Variants in EXTL3 observed in about 807,000 individuals in gnomAD.
The protein encoded by EXTL3 is exostosin like glycosyltransferase 3.
Under a neutral mutation model 69.3 loss-of-function variants are expected in EXTL3, and 27 were observed. The observed-to-expected ratio is 0.39, with a 90% CI of 0.29 to 0.54. The LOEUF (loss-of-function observed/expected upper bound fraction) is 0.54. EXTL3 is among the 20% of genes least tolerant of loss of function. The pLI is 0.69. For missense variants in EXTL3, 1,003 were observed against 1,231.8 expected (o/e 0.81, Z 2.78); for synonymous variants, 511 against 499.4 (o/e 1.02, Z -0.31).
intron 6 of EXTL3, among the ~76,000 whole-genome samples, chr8:28,747,403 C>T (rs1204682751): frequency 6.6e-6 from 1 of 152,196 alleles, no homozygotes; most frequent in Non-Finnish European, 1.5e-5. Context: ...ACCCTTTGAG[C>T]ACTGGCCTGT....
chr8:28,663,360 C>T (rs1239109586), intron 1 of EXTL3, among the ~76,000 whole-genome samples: 2 of 152,206 alleles, frequency 1.3e-5, no homozygotes, highest in African/African-American at 4.8e-5. Context: ...AGATCAGTTG[C>T]AGAAAAGCGG....
intron 6 of EXTL3, among the ~76,000 whole-genome samples, chr8:28,745,986 A>G (rs1410143846): frequency 1.3e-5 from 2 of 152,248 alleles, no homozygotes; most frequent in Non-Finnish European, 2.9e-5. Flanking sequence ...TCTAACTCTT[A>G]GTAATTCCTT....
intron 1 of EXTL3, among the ~76,000 whole-genome samples, chr8:28,655,532 A>G (rs1806996052): frequency 7.2e-6 from 1 of 138,398 alleles, no homozygotes; most frequent in Admixed American, 8.0e-5. Flanking sequence ...CACCTGTTGC[A>G]CAGGCTGGAG....
At chr8:28,673,657 C>T (rs1807335169) in intron 1 of EXTL3, among the ~76,000 whole-genome samples, 1 of 152,172 alleles carries the variant, frequency 6.6e-6, no homozygotes, top group African/African-American at 2.4e-5. Context: ...CAATCCCTCT[C>T]TCTTTTTCAT....
At chr8:28,724,273 T>C (rs1478810593) in intron 3 of EXTL3, among the ~76,000 whole-genome samples, 2 of 152,214 alleles carry the variant, frequency 1.3e-5, no homozygotes, top group African/African-American at 4.8e-5. Context: ...ACTGGGATCA[T>C]TGGCAACTTT....
intron 1 of EXTL3, among the ~76,000 whole-genome samples, chr8:28,628,756 C>G (rs144797537): frequency 0.022 from 3,290 of 152,244 alleles, 55 homozygotes; most frequent in Non-Finnish European, 0.035. Flanking sequence ...CAGATTCAAG[C>G]AATTCTCCTG....
chr8:28,749,688 CATGT>C (rs1367404442), intron 6 of EXTL3, among the ~76,000 whole-genome samples: 34 of 152,138 alleles, frequency 2.2e-4, no homozygotes, highest in African/African-American at 8.0e-4. Context: ...TTCATGCATG[CATGT>C]ATGTATGTGA....
In EXTL3 at chr8:28,716,740, T is replaced by C; in HGVS notation, c.681T>C (p.Tyr227=). Reference sequence around the variant, plus strand: ...AGGCGACAGCACGAGCTAACGTTTATGTTACAGAAAATGCAGACATCGCCT... The same window carrying C: ...AGGCGACAGCACGAGCTAACGTTTACGTTACAGAAAATGCAGACATCGCCT... The part of the protein sequence containing the change: ...AFQATARANV[Y]VTENADIACL... Residue 227 remains tyrosine, a synonymous_variant, in exon 3 of 7, where the codon TAT becomes TAC. Coordinates refer to ENST00000220562, the MANE Select transcript of EXTL3 (RefSeq NM_001440.4). This position sits in a 1 kb window ranked among gnomAD's most constrained non-coding sequence, Gnocchi z 7.1. The C allele has an allele frequency of 3.1e-6, 5 of 1,614,246 alleles. No homozygotes were observed. The highest frequency in any genetic ancestry group is 3.4e-6 in the Non-Finnish European group (4 of 1,180,044).
At chr8:28,687,521 A>G (rs1807596790) in intron 1 of EXTL3, among the ~76,000 whole-genome samples, 1 of 152,174 alleles carries the variant, frequency 6.6e-6, no homozygotes, top group African/African-American at 2.4e-5. Flanking sequence ...GGGAAGGGAG[A>G]GAAAATAATG....
At chr8:28,729,468 C>T (rs1478248419) in intron 3 of EXTL3, among the ~76,000 whole-genome samples, 4 of 137,646 alleles carry the variant, frequency 2.9e-5, no homozygotes, top group South Asian at 2.4e-4. Context: ...TGGTGGTAGG[C>T]GCCTGTAATC....
At chr8:28,736,865 C>G (rs1801662013) in intron 4 of EXTL3, among the ~76,000 whole-genome samples, 1 of 152,142 alleles carries the variant, frequency 6.6e-6, no homozygotes, top group African/African-American at 2.4e-5. Context: ...GGAGGTGGTG[C>G]AATCATAGCT....
At chr8:28,636,465 T>A (rs1042725978) in intron 1 of EXTL3, among the ~76,000 whole-genome samples, 4 of 152,194 alleles carry the variant, frequency 2.6e-5, no homozygotes, top group Admixed American at 1.3e-4. Context: ...GGAAGGATCT[T>A]ACCTAATAGC....
intron 3 of EXTL3, among the ~76,000 whole-genome samples, chr8:28,728,118 G>C (rs1017680051): frequency 2.6e-5 from 4 of 152,208 alleles, no homozygotes; most frequent in Admixed American, 2.6e-4. Context: ...TGTTCGAGGG[G>C]AGTTTGTTGA....
At chr8:28,728,438 T>G (rs1344913532) in intron 3 of EXTL3, among the ~76,000 whole-genome samples, 1 of 152,174 alleles carries the variant, frequency 6.6e-6, no homozygotes, top group Non-Finnish European at 1.5e-5. Context: ...CTTGGGAATT[T>G]TTATGCTGGT....
At chr8:28,698,453 C>T (rs1013085607), upstream of EXTL3, 1 of 152,232 alleles carries the variant, frequency 6.6e-6, no homozygotes, top group African/African-American at 2.4e-5. Context: ...TCTCAGCTCC[C>T]TATCTGGCAG....
At chr8:28,659,825 T>C (rs1807078450) in intron 1 of EXTL3, among the ~76,000 whole-genome samples, 1 of 152,148 alleles carries the variant, frequency 6.6e-6, no homozygotes, top group South Asian at 2.1e-4. Flanking sequence ...GTAGTGAAAA[T>C]GTCCTCAGTG....
intron 1 of EXTL3, among the ~76,000 whole-genome samples, chr8:28,706,698 A>C (rs556671759): frequency 3.3e-5 from 5 of 152,340 alleles, no homozygotes; most frequent in Admixed American, 2.0e-4. Flanking sequence ...GATCGCTAGG[A>C]AGGTTAAACA....
Position 28,742,988 on chromosome 8 carries a change from C to T in EXTL3, c.2422-98C>T, listed in dbSNP as rs538977800. 3.2e-5 allele frequency: 44 copies of T among 1,359,552 alleles called. No individual in the cohort carries two copies. The East Asian group carries it at 8.7e-4, about 27-fold the overall frequency. 84.2% of individuals were successfully genotyped at this position (1,359,552 alleles called of 1,614,324 possible). A position where few individuals can be genotyped will look rare whatever the true frequency, so the allele number is the denominator to read the frequency against. ...GCCAGTAATACCTCCTAGTTACTGC[C>T]ACACCCAAACAGCCCCTCCATCCAT... On this transcript the variant is annotated intron_variant, in intron 5 of 6. Coordinates refer to ENST00000220562, the MANE Select transcript of EXTL3 (RefSeq NM_001440.4).
intron 4 of EXTL3, among the ~76,000 whole-genome samples, chr8:28,735,302 C>T (rs534194338): frequency 6.6e-6 from 1 of 152,286 alleles, no homozygotes. Context: ...GGAGTGTTAA[C>T]AGGAGAACTG....
Sources: gnomAD v4.1 joint callset for allele counts (sites outside exome capture counted in the v4.1 genomes callset) on GRCh38, gnomAD v4.1.1 for gene constraint, Gnocchi (gnomAD v3.1) non-coding constraint, MANE v1.5 for transcripts, NCBI Gene and HGNC (gene_info 2026-07-23, HGNC 2026-07-21) for gene names.